The following REV3L variants were observed in gnomAD, a reference collection of about 807,000 sequenced individuals.
REV3L encodes DNA polymerase zeta catalytic subunit.
Under a neutral mutation model 299.4 loss-of-function variants are expected in REV3L, and 69 were observed. That is an observed-to-expected ratio of 0.23 (90% CI 0.19 to 0.28). The LOEUF is 0.28. Ranked by LOEUF, REV3L falls within the 10% of genes least tolerant of loss-of-function variation. REV3L has a pLI of 1.00. For missense variants in REV3L, 3,128 were observed against 3,693.8 expected, an observed-to-expected ratio of 0.85 and a Z score of 3.97; for synonymous variants, 1,238 against 1,271.4, an observed-to-expected ratio of 0.97 and a Z score of 0.56.
At chr6:111,329,844 C>G in intron 24 of REV3L, 106 bp from the exon 25 acceptor site, 1 of 811,630 alleles carries the variant, frequency 1.2e-6, no homozygotes, top group Non-Finnish European at 2.0e-6. Flanking sequence ...GGAATTGAAA[C>G]ATGCTAACAA....
chr6:111,304,030 A>T (rs866100943), intron 31 of REV3L, among the ~76,000 whole-genome samples: 5 of 152,102 alleles, frequency 3.3e-5, no homozygotes, highest in Admixed American at 1.3e-4. Flanking sequence ...AGATATTTTT[A>T]AAACATTCTA....
chr6:111,358,541 C>T (rs1002187869), intron 17 of REV3L, among the ~76,000 whole-genome samples: 3 of 152,158 alleles, frequency 2.0e-5, no homozygotes, highest in South Asian at 2.1e-4. Context: ...TAGTGCACTA[C>T]AGCCCCAAAC....
intron 16 of REV3L, 136 bp downstream of exon 16, chr6:111,363,717 T>C: frequency 2.5e-6 from 2 of 796,496 alleles, no homozygotes; most frequent in Non-Finnish European, 1.9e-6. Context: ...AATAGTAAAA[T>C]GAGAACAAGA....
At chr6:111,359,553 G>A (rs1778436749) in intron 16 of REV3L, among the ~76,000 whole-genome samples, 1 of 137,368 alleles carries the variant, frequency 7.3e-6, no homozygotes, top group African/African-American at 2.6e-5. Flanking sequence ...GAACTGTTAT[G>A]GTATCAACTA....
chr6:111,369,986 C>T (rs1448037127), intron 13 of REV3L, among the ~76,000 whole-genome samples: 1 of 151,958 alleles, frequency 6.6e-6, no homozygotes, highest in East Asian at 1.9e-4. Context: ...ACTCATGCCA[C>T]CATGCCCAGC....
At chr6:111,425,492 A>C (rs1786069649) in intron 1 of REV3L, among the ~76,000 whole-genome samples, 1 of 152,112 alleles carries the variant, frequency 6.6e-6, no homozygotes, top group Non-Finnish European at 1.5e-5. Context: ...TATACAAAAT[A>C]AGCCCATGAA....
intron 4 of REV3L, among the ~76,000 whole-genome samples, chr6:111,404,846 C>T (rs1783452721): frequency 6.6e-6 from 1 of 152,056 alleles, no homozygotes; most frequent in Admixed American, 6.5e-5. Flanking sequence ...CAGGTCATGT[C>T]ACACAAAGAA....
intron 1 of REV3L, among the ~76,000 whole-genome samples, chr6:111,470,663 T>C (rs915958267): frequency 3.9e-5 from 6 of 152,222 alleles, no homozygotes; most frequent in African/African-American, 1.4e-4. Flanking sequence ...TGGATATCTT[T>C]CTAATGACCT....
intron 25 of REV3L, among the ~76,000 whole-genome samples, chr6:111,325,210 A>G (rs937454617): frequency 6.6e-6 from 1 of 152,268 alleles, no homozygotes; most frequent in African/African-American, 2.4e-5. Context: ...TAATTCCCTG[A>G]AAAGACATAA....
intron 29 of REV3L, chr6:111,310,654 GA>G (rs758498887): frequency 9.5e-5 from 15 of 157,124 alleles, no homozygotes; most frequent in Non-Finnish European, 1.7e-4. Flanking sequence ...CCAGGGGCAG[GA>G]AAAAGATGTA....
chr6:111,430,893 T>C (rs1042786812), intron 1 of REV3L: 31 of 1,604,716 alleles, frequency 1.9e-5, no homozygotes, highest in Non-Finnish European at 2.6e-5. Flanking sequence ...CTCCATCCTG[T>C]GGATCTCATT....
intron 26 of REV3L, among the ~76,000 whole-genome samples, chr6:111,316,812 T>C (rs1394219814): frequency 1.3e-5 from 2 of 152,232 alleles, no homozygotes; most frequent in Non-Finnish European, 2.9e-5. Context: ...AAACACTTTG[T>C]GTATATCTGT....
chr6:111,481,049 C>T (rs140124685), intron 1 of REV3L, among the ~76,000 whole-genome samples: 10 of 152,076 alleles, frequency 6.6e-5, no homozygotes, highest in African/African-American at 2.2e-4. Context: ...CTTTCCTATA[C>T]AACAAAGCTT....
intron 1 of REV3L, among the ~76,000 whole-genome samples, chr6:111,439,160 G>A (rs544893784): frequency 6.6e-6 from 1 of 151,998 alleles, no homozygotes; most frequent in African/African-American, 2.4e-5. Context: ...CTCACTTTAT[G>A]TTTTTTTGCT....
intron 12 of REV3L, among the ~76,000 whole-genome samples, chr6:111,377,270 T>A (rs1394920571): frequency 6.6e-6 from 1 of 152,214 alleles, no homozygotes; most frequent in Non-Finnish European, 1.5e-5. Context: ...GCCAACTATA[T>A]AGAAAGTATG....
intron 14 of REV3L, among the ~76,000 whole-genome samples, chr6:111,366,480 CAA>C (rs1168105122): frequency 6.6e-6 from 1 of 151,852 alleles, no homozygotes. Context: ...ATGAGAAAAT[CAA>C]GTGGGAAAAA....
In REV3L at chr6:111,375,565, T is replaced by C; in HGVS notation, c.2790A>G (p.Glu930=). The C allele has an allele frequency of 1.9e-6, 3 of 1,613,792 alleles. No individual in the cohort carries two copies. The highest frequency in any genetic ancestry group is 1.7e-6 in the Non-Finnish European group (2 of 1,179,884). ...RAKRKVNYET[E]DSESSFVTHN... is the part of the protein sequence containing the mutation. Reference sequence around the variant, plus strand: ...GAGTTACAAAACTTGACTCACTGTCTTCAGTCTCATAATTTACCTTGCGTT... The same window carrying C: ...GAGTTACAAAACTTGACTCACTGTCCTCAGTCTCATAATTTACCTTGCGTT... Residue 930 remains glutamate, a synonymous_variant, in exon 13 of 32, where the codon GAA becomes GAG. Transcript: ENST00000368802.
intron 4 of REV3L, among the ~76,000 whole-genome samples, chr6:111,397,196 C>T (rs1782603085): frequency 6.6e-6 from 1 of 151,752 alleles, no homozygotes; most frequent in South Asian, 2.1e-4. Flanking sequence ...TCTTAAAGTA[C>T]ATCATTACAT....
rs2114724807 is a variant in REV3L at position 111,311,255 on chromosome 6, A to G, written c.8609T>C (p.Leu2870Pro). 6.3e-7 allele frequency: 1 copy of G among 1,598,690 alleles called. No homozygotes were observed. The highest frequency in any genetic ancestry group is 1.1e-5 in the South Asian group (1 of 88,440). ...AAATAGCAGCTTTAGAGAACGCTCA[A>G]GTATCTTAAAACAAAAAAGATATGC... ...RDSCPAVSKI[L>P]ERSLKLLFET... Residue 2870 changes from leucine (L) to proline (P), a missense_variant, in exon 29 of 32, where the codon CTT becomes CCT. Physicochemically the swap from Leu to Pro is moderately conservative, Grantham distance 98. Transcript: ENST00000368802.
Sources: gnomAD v4.1 joint callset for allele counts (sites outside exome capture counted in the v4.1 genomes callset) on GRCh38, gnomAD v4.1.1 for gene constraint, MANE v1.5 for transcripts, NCBI Gene and HGNC (gene_info 2026-07-23, HGNC 2026-07-21) for gene names.